The following SLC35D1 variants were observed in gnomAD, a reference collection of about 807,000 sequenced individuals.
The protein encoded by SLC35D1 is solute carrier family 35 member D1.
Under a neutral mutation model 46.7 loss-of-function variants are expected in SLC35D1, and 31 were observed. The observed-to-expected ratio is 0.66, with a 90% confidence interval of 0.50 to 0.90. The LOEUF is 0.90. Among genes scored for constraint, SLC35D1 ranks in the 40% least tolerant of loss-of-function variants. SLC35D1 has a pLI of 0.00. For synonymous variants in SLC35D1, 195 were observed against 164.6 expected, an observed-to-expected ratio of 1.18 and a Z score of -1.41; for missense variants, 397 against 426.2, an observed-to-expected ratio of 0.93 and a Z score of 0.60.
At chr1:67,010,790 T>A (rs949216417) in intron 10 of SLC35D1, among the ~76,000 whole-genome samples, 21 of 152,242 alleles carry the variant, frequency 1.4e-4, no homozygotes, top group African/African-American at 4.6e-4. Flanking sequence ...AATCAAAAAA[T>A]TTTACCCCCA....
chr1:66,987,400 C>T, the SLC35D1 span: 1 of 152,674 alleles, frequency 6.5e-6, no homozygotes, highest in East Asian at 1.9e-4. Context: ...TCATTCCCAC[C>T]CCCAACAAAG....
the SLC35D1 span, among the ~76,000 whole-genome samples, chr1:66,978,609 A>C: frequency 6.6e-6 from 1 of 152,234 alleles, no homozygotes; most frequent in Non-Finnish European, 1.5e-5. Context: ...CATGATTTTC[A>C]AGGTATTATA....
chr1:67,045,540 A>T (rs1645243389), intron 7 of SLC35D1, among the ~76,000 whole-genome samples: 1 of 152,182 alleles, frequency 6.6e-6, no homozygotes, highest in South Asian at 2.1e-4. Context: ...ATAAGATATG[A>T]GCTAGGAGAA....
intron 10 of SLC35D1, among the ~76,000 whole-genome samples, chr1:67,011,878 T>C (rs1163669828): frequency 6.6e-6 from 1 of 152,150 alleles, no homozygotes; most frequent in Non-Finnish European, 1.5e-5. Flanking sequence ...GGCATGAATA[T>C]TCAAATTGTT....
chr1:66,973,087 G>T, the SLC35D1 span: 3 of 648,356 alleles, frequency 4.6e-6, no homozygotes, highest in Non-Finnish European at 8.0e-6. Flanking sequence ...AGTGTTAAAG[G>T]TTTCATAATT....
chr1:67,027,888 T>G (rs1357106263), intron 8 of SLC35D1, among the ~76,000 whole-genome samples: 1 of 152,150 alleles, frequency 6.6e-6, no homozygotes, highest in East Asian at 1.9e-4. Context: ...TGAGCCACCA[T>G]GCCTGGCTAA....
chr1:67,003,138 C>G lies in SLC35D1; in HGVS notation c.*1202G>C, dbSNP rs933300365. 2 of 152,396 alleles carry G rather than the reference C, an allele frequency of 1.3e-5. No homozygotes were observed. Among genetic ancestry groups the G allele is most frequent in the African/African-American group, 4.8e-5 (2 of 41,456 alleles). 9.4% of individuals were successfully genotyped at this position (152,396 alleles called of 1,614,324 possible). A position where few individuals can be genotyped will look rare whatever the true frequency, so the allele number is the denominator to read the frequency against. ...AGGAAGATGATAGCTCTAACACTGA[C>G]ACTGCCAGAGAAAAACCAACCATTG... On this transcript the variant is annotated 3_prime_UTR_variant, in exon 12 of 12. Transcript: ENST00000235345.
Position 67,049,772 on chromosome 1 carries a change from C to T in SLC35D1, c.533+10G>A, listed in dbSNP as rs1645287921. 1 of 1,611,092 alleles carries T rather than the reference C, an allele frequency of 6.2e-7. No homozygotes were observed. Among genetic ancestry groups the T allele is most frequent in the East Asian group, 2.2e-5 (1 of 44,786 alleles). On this transcript the variant is annotated intron_variant, in intron 6 of 11. Coordinates refer to ENST00000235345, the MANE Select transcript of SLC35D1 (RefSeq NM_015139.3). ...ATTTATAATGTGCTAGTCATAGGCC[C>T]ACATCTTACCTGGCAGCTACAAAGG... is the stretch of plus-strand genomic sequence containing the variant.
At chr1:67,022,115 C>T (rs1667819530) in intron 8 of SLC35D1, among the ~76,000 whole-genome samples, 1 of 152,216 alleles carries the variant, frequency 6.6e-6, no homozygotes, top group Non-Finnish European at 1.5e-5. Context: ...ACGGTTCATT[C>T]TAAAAACAAG....
chr1:67,043,222 G>T (rs972949248), intron 7 of SLC35D1, among the ~76,000 whole-genome samples: 1 of 151,304 alleles, frequency 6.6e-6, no homozygotes, highest in Non-Finnish European at 1.5e-5. Context: ...AAACCTAGCC[G>T]AGCATGGTGG....
At chr1:67,047,163 T>C (rs1421591092) in intron 7 of SLC35D1, 102 bp downstream of exon 7, 6 of 861,160 alleles carry the variant, frequency 7.0e-6, no homozygotes, top group African/African-American at 1.7e-5. Flanking sequence ...ACTATGTCTT[T>C]CTCATCCCCA....
chr1:66,978,565 C>G, the SLC35D1 span, among the ~76,000 whole-genome samples: 1 of 152,094 alleles, frequency 6.6e-6, no homozygotes, highest in Non-Finnish European at 1.5e-5. Flanking sequence ...GAATTAGATA[C>G]AGCATCTAGT....
intron 7 of SLC35D1, among the ~76,000 whole-genome samples, chr1:67,045,847 A>G (rs77033953): frequency 1.3e-5 from 2 of 152,358 alleles, no homozygotes; most frequent in East Asian, 3.9e-4. Context: ...CCAATGTCAC[A>G]GAAAATTCTA....
intron 8 of SLC35D1, among the ~76,000 whole-genome samples, chr1:67,022,272 C>G (rs1667822252): frequency 6.6e-6 from 1 of 152,212 alleles, no homozygotes; most frequent in South Asian, 2.1e-4. Context: ...GTTTGATAAG[C>G]AAATGTGACA....
intron 10 of SLC35D1, among the ~76,000 whole-genome samples, chr1:67,009,585 G>T (rs966397622): frequency 3.9e-5 from 6 of 152,076 alleles, no homozygotes; most frequent in African/African-American, 7.2e-5. Context: ...AGGAAAAAAG[G>T]CTCATCACCA....
chr1:66,979,636 AATATTCT>A, the SLC35D1 span, among the ~76,000 whole-genome samples: 3 of 152,296 alleles, frequency 2.0e-5, no homozygotes, highest in African/African-American at 7.2e-5. Flanking sequence ...CCCTTTCCTG[AATATTCT>A]GGATGCTATT....
intron 7 of SLC35D1, among the ~76,000 whole-genome samples, chr1:67,043,061 G>C (rs1406744893): frequency 1.3e-5 from 2 of 152,156 alleles, no homozygotes; most frequent in African/African-American, 4.8e-5. Flanking sequence ...CGGGCATGAT[G>C]GTGGGTGCCT....
intron 10 of SLC35D1, among the ~76,000 whole-genome samples, 159 bp from the exon 11 acceptor site, chr1:67,009,326 C>T (rs536908429): frequency 4.6e-4 from 70 of 152,138 alleles, no homozygotes; most frequent in African/African-American, 1.6e-3. Flanking sequence ...TAAGGAAGAA[C>T]ACTATTAAGG....
chr1:66,994,400 T>C (rs1667217072), downstream of SLC35D1, among the ~76,000 whole-genome samples: 1 of 152,094 alleles, frequency 6.6e-6, no homozygotes, highest in Non-Finnish European at 1.5e-5. Context: ...ATCCTAGCAG[T>C]CTGGGAGGCC....
Sources: gnomAD v4.1 joint callset for allele counts (sites outside exome capture counted in the v4.1 genomes callset) on GRCh38, gnomAD v4.1.1 for gene constraint, MANE v1.5 for transcripts, NCBI Gene and HGNC (gene_info 2026-07-23, HGNC 2026-07-21) for gene names.